The following XAGE2 variants were observed in gnomAD, a reference collection of about 807,000 sequenced individuals.
The protein encoded by XAGE2 is G antigen family D member 3.
A neutral mutation model predicts 9.9 loss-of-function variants in XAGE2; 7 were observed. That is an observed-to-expected ratio of 0.71 (90% CI 0.40 to 1.32). The LOEUF is 1.32. Ranked by LOEUF, XAGE2 falls within the 40% of genes most tolerant of loss-of-function variation. XAGE2 has a pLI of 0.01. For missense variants in XAGE2, 85 were observed against 81.0 expected (o/e 1.05, Z -0.19); for synonymous variants, 31 against 26.8 (o/e 1.16, Z -0.48).
At chrX:52,372,745 A>C (rs1275991071) in intron 4 of XAGE2, 76 bp downstream of exon 4, 1 of 1,120,355 alleles carries the variant, frequency 8.9e-7, no homozygotes, top group Non-Finnish European at 1.2e-6. Context: ...ATAGAGAGAT[A>C]ATATTACTGC....
At chrX:52,372,418 A>G (rs1921213140) in intron 3 of XAGE2, 126 bp from the exon 4 acceptor site, 1 of 880,966 alleles carries the variant, frequency 1.1e-6, no homozygotes, top group Non-Finnish European at 1.6e-6. Context: ...ACAGCTTTGC[A>G]TCACATTTAT....
At chrX:52,369,853 CAGA>C (rs1921147112) in intron 1 of XAGE2, among the ~76,000 whole-genome samples, 151 bp from the exon 2 acceptor site, 1 of 112,929 alleles carries the variant, frequency 8.9e-6, no homozygotes, top group Non-Finnish European at 1.9e-5. Context: ...GCATTCGATT[CAGA>C]AGATGTACAC....
At chrX:52,374,659 T>C (rs1272237148) in intron 4 of XAGE2, among the ~76,000 whole-genome samples, 2 of 112,208 alleles carry the variant, frequency 1.8e-5, no homozygotes, top group Admixed American at 9.5e-5. Flanking sequence ...ACAAAGACTG[T>C]GCATGAACTT....
At chrX:52,374,195 T>C (rs1395648681) in intron 4 of XAGE2, among the ~76,000 whole-genome samples, 2 of 112,101 alleles carry the variant, frequency 1.8e-5, no homozygotes, top group Non-Finnish European at 1.9e-5. Flanking sequence ...GACACAGATA[T>C]TGAATATGTA....
At chrX:52,370,695 A>G (rs1921168221) in intron 3 of XAGE2, 23 bp downstream of exon 3, 2 of 1,181,982 alleles carry the variant, frequency 1.7e-6, no homozygotes, top group South Asian at 1.8e-5. Context: ...GAAAGAAATA[A>G]TGCCTATAGG....
intron 4 of XAGE2, among the ~76,000 whole-genome samples, chrX:52,373,729 A>G (rs1164438200): frequency 9.0e-6 from 1 of 111,662 alleles, no homozygotes; most frequent in Admixed American, 9.5e-5. Flanking sequence ...TTTTTTTTAT[A>G]AATTGCTGAC....
chrX:52,370,062 T>G lies in XAGE2; in HGVS notation c.48T>G (p.Ser16Arg). 1 of 1,212,187 alleles carries G rather than the reference T, an allele frequency of 8.2e-7. No homozygotes were observed. The highest frequency in any genetic ancestry group is 1.1e-6 in the Non-Finnish European group (1 of 895,510). The change falls in exon 2 of 5, where the codon AGT becomes AGG. Residue 16 changes from serine (S) to arginine (R), a missense_variant. Coordinates refer to ENST00000286049, the MANE Select transcript of XAGE2 (RefSeq NM_130777.3). ...RSTYRPRPRR[S>R]LQPPELIGAM... ...CATATAGGCCTAGGCCAAGAAGAAGTTTACAGCCTCCTGAGCTGATTGGGG... is the reference window on the plus strand; with the variant it reads ...CATATAGGCCTAGGCCAAGAAGAAGGTTACAGCCTCCTGAGCTGATTGGGG...
intron 3 of XAGE2, among the ~76,000 whole-genome samples, chrX:52,371,396 T>C (rs1473339411): frequency 8.9e-6 from 1 of 112,106 alleles, no homozygotes; most frequent in African/African-American, 3.2e-5. Flanking sequence ...CTTTGATCAG[T>C]ATTTTTTGAC....
chrX:52,373,966 T>C (rs1455578608), intron 4 of XAGE2, among the ~76,000 whole-genome samples: 1 of 111,398 alleles, frequency 9.0e-6, no homozygotes, highest in East Asian at 2.8e-4. Flanking sequence ...AAAGTAATAA[T>C]CAATATAATA....
At chrX:52,372,987 C>T (rs2146415128) in intron 4 of XAGE2, among the ~76,000 whole-genome samples, 1 of 112,274 alleles carries the variant, frequency 8.9e-6, no homozygotes, top group Admixed American at 9.4e-5. Flanking sequence ...TTTGTAATAC[C>T]AGACTGTGTG....
At position 52,372,974 on chromosome X, in the gene XAGE2, G is replaced by A. The variant is rs1186182645; in HGVS notation, c.313+305G>A. Among the ~76,000 whole-genome samples the A allele has an allele frequency of 3.6e-5, 4 of 112,294 alleles. No homozygotes were observed. The East Asian group carries it at 1.1e-3, about 31-fold the overall frequency. Reference sequence around the variant, plus strand: ...TTTCTGCTTTTAACAAATACATAATGCATTTGTAATACCAGACTGTGTGAA... The same window carrying A: ...TTTCTGCTTTTAACAAATACATAATACATTTGTAATACCAGACTGTGTGAA... On this transcript the variant is annotated intron_variant, in intron 4 of 4. Transcript: ENST00000286049.
intron 3 of XAGE2, 69 bp downstream of exon 3, chrX:52,370,741 C>A: frequency 1.0e-6 from 1 of 989,487 alleles, no homozygotes; most frequent in Non-Finnish European, 1.4e-6. Flanking sequence ...TGCCTTATGC[C>A]ATGACCAGTA....
intron 2 of XAGE2, 108 bp from the exon 3 acceptor site, chrX:52,370,459 A>T: frequency 1.4e-6 from 1 of 697,353 alleles, no homozygotes; most frequent in Non-Finnish European, 2.3e-6. Context: ...GTGTCTTTAG[A>T]CTTACTTGTG....
At chrX:52,371,713 A>AC (rs1219616652) in intron 3 of XAGE2, among the ~76,000 whole-genome samples, 40 of 111,582 alleles carry the variant, frequency 3.6e-4, no homozygotes, top group South Asian at 2.6e-3. Context: ...GAAAACTGTG[A>AC]CTTTTTTTCC....
intron 3 of XAGE2, among the ~76,000 whole-genome samples, chrX:52,371,524 A>C (rs921821584): frequency 4.5e-5 from 5 of 112,228 alleles, no homozygotes; most frequent in Non-Finnish European, 7.5e-5. Flanking sequence ...GAAAACTCAA[A>C]GTATGATACA....
intron 4 of XAGE2, among the ~76,000 whole-genome samples, chrX:52,374,856 G>A (rs1569558065): frequency 9.1e-6 from 1 of 110,497 alleles, no homozygotes; most frequent in Non-Finnish European, 1.9e-5. Flanking sequence ...AAAGTAATGC[G>A]ATCATATAAT....
chrX:52,372,045 A>G (rs1413761848), intron 3 of XAGE2, among the ~76,000 whole-genome samples: 1 of 111,586 alleles, frequency 9.0e-6, no homozygotes, highest in Non-Finnish European at 1.9e-5. Flanking sequence ...TTATCCTTAG[A>G]TTGTCATTTT....
intron 3 of XAGE2, 43 bp from the exon 4 acceptor site, chrX:52,372,501 T>G (rs1188668663): frequency 8.3e-7 from 1 of 1,203,394 alleles, no homozygotes; most frequent in Non-Finnish European, 1.1e-6. Flanking sequence ...TATTTATACT[T>G]CATGTTTTTG....
intron 1 of XAGE2, among the ~76,000 whole-genome samples, chrX:52,369,555 G>A (rs965158164): frequency 7.2e-5 from 8 of 111,268 alleles, no homozygotes; most frequent in Non-Finnish European, 3.8e-5. Context: ...AGCGAGGAGC[G>A]TCCAGTGATG....
Sources: gnomAD v4.1 joint callset for allele counts (sites outside exome capture counted in the v4.1 genomes callset) on GRCh38, gnomAD v4.1.1 for gene constraint, MANE v1.5 for transcripts, NCBI Gene and HGNC (gene_info 2026-07-23, HGNC 2026-07-21) for gene names.